Variants in NINJ2 observed in about 807,000 individuals in gnomAD.
NINJ2 encodes the protein ninjurin 2.
A neutral mutation model predicts 11.7 loss-of-function variants in NINJ2; 12 were observed. The observed-to-expected ratio is 1.02, with a 90% CI of 0.66 to 1.66. The LOEUF is 1.66. Among genes scored for constraint, NINJ2 ranks in the 40% most tolerant of loss-of-function variants. The pLI is 0.00. For missense variants in NINJ2, 187 were observed against 181.8 expected (o/e 1.03, Z -0.16); for synonymous variants, 93 against 76.8 (o/e 1.21, Z -1.10).
At chr12:608,160 C>T (rs1445433244) in intron 1 of NINJ2, among the ~76,000 whole-genome samples, 1 of 152,142 alleles carries the variant, frequency 6.6e-6, no homozygotes, top group Non-Finnish European at 1.5e-5. Context: ...GTACTCAACC[C>T]TTAAGAGTCT....
intron 1 of NINJ2, among the ~76,000 whole-genome samples, chr12:661,884 C>T (rs571430247): frequency 2.0e-5 from 3 of 152,284 alleles, no homozygotes; most frequent in East Asian, 1.9e-4. Context: ...AAGCAATGAC[C>T]GTGTACCAAG....
chr12:609,437 T>C (rs1947995155), intron 1 of NINJ2, among the ~76,000 whole-genome samples: 1 of 152,192 alleles, frequency 6.6e-6, no homozygotes, highest in Non-Finnish European at 1.5e-5. Context: ...TTGTAGTCCT[T>C]GTGAGCTGAG....
At position 663,404 on chromosome 12, in the gene NINJ2, C is replaced by G; in HGVS notation, c.-44G>C. 1 of 1,614,160 alleles carries G rather than the reference C, an allele frequency of 6.2e-7. No individual in the cohort carries two copies. The highest frequency in any genetic ancestry group is 8.5e-7 in the Non-Finnish European group (1 of 1,180,000). On this transcript the variant is annotated 5_prime_UTR_variant, in exon 1 of 4. Transcript: ENST00000305108. The stretch of plus-strand genomic sequence containing the variant: ...CTTCACACGCACCGGGTGCCGGGAA[C>G]AGACTGCGTGGGCTCCTCCAGGCTC...
chr12:662,238 G>A (rs1434631545), intron 1 of NINJ2, among the ~76,000 whole-genome samples: 3 of 152,186 alleles, frequency 2.0e-5, no homozygotes, highest in Non-Finnish European at 2.9e-5. Context: ...TCTCGGGGCT[G>A]GCTGCCAATC....
intron 1 of NINJ2, among the ~76,000 whole-genome samples, chr12:625,983 T>C (rs1948206913): frequency 6.6e-6 from 1 of 152,164 alleles, no homozygotes; most frequent in East Asian, 1.9e-4. Flanking sequence ...TCATGATCGG[T>C]GAGGGATTAG....
chr12:630,662 C>A (rs535059863), intron 1 of NINJ2, among the ~76,000 whole-genome samples: 1 of 152,354 alleles, frequency 6.6e-6, no homozygotes, highest in South Asian at 2.1e-4. Context: ...CAGGCGTGAG[C>A]CACCGCTCCC....
chr12:585,274 C>A lies in NINJ2; in HGVS notation c.34-19096G>T, dbSNP rs1402493945. Among the ~76,000 whole-genome samples, 1 of 152,220 alleles carries A rather than the reference C, an allele frequency of 6.6e-6. No homozygotes were observed. Among genetic ancestry groups the A allele is most frequent in the Non-Finnish European group, 1.5e-5 (1 of 68,040 alleles). ...CTGGGGGCTCTGGGCTTCCCTGCTG[C>A]AAGCTCTTAACCCTTAGCGTGAGCA... On this transcript the variant is annotated intron_variant, in intron 1 of 3. Transcript: ENST00000305108. The surrounding 1 kb of genome is among the most constrained non-coding windows in gnomAD (Gnocchi z 4.1).
chr12:627,712 C>T (rs146020671), intron 1 of NINJ2, among the ~76,000 whole-genome samples: 12 of 152,300 alleles, frequency 7.9e-5, no homozygotes, highest in African/African-American at 2.2e-4. Context: ...AGACTTTGGG[C>T]GCAGTGACAG....
intron 1 of NINJ2, among the ~76,000 whole-genome samples, chr12:616,848 C>T (rs1001781312): frequency 6.6e-5 from 10 of 152,164 alleles, no homozygotes; most frequent in African/African-American, 2.2e-4. Context: ...GATCAAAAGA[C>T]GCTAAAAGCT....
intron 1 of NINJ2, among the ~76,000 whole-genome samples, chr12:601,759 G>A (rs983883915): frequency 4.6e-5 from 7 of 152,022 alleles, no homozygotes; most frequent in Non-Finnish European, 7.4e-5. Flanking sequence ...CCAGCTACTC[G>A]GGAGGCTGAG....
intron 1 of NINJ2, among the ~76,000 whole-genome samples, chr12:606,177 T>C (rs982314736): frequency 6.6e-6 from 1 of 152,098 alleles, no homozygotes; most frequent in Non-Finnish European, 1.5e-5. Context: ...CAGCCAATAT[T>C]CTATTTCAAA....
chr12:600,487 C>T (rs977107913), intron 1 of NINJ2, among the ~76,000 whole-genome samples: 49 of 152,074 alleles, frequency 3.2e-4, no homozygotes, highest in African/African-American at 1.0e-3. Flanking sequence ...ACCTGGGAGG[C>T]GGAGGTTGCA....
At chr12:644,019 G>A (rs901109607) in intron 1 of NINJ2, 15 of 154,842 alleles carry the variant, frequency 9.7e-5, no homozygotes, top group South Asian at 2.0e-4. Flanking sequence ...AGCATTAGCG[G>A]AAGTGCCACG....
intron 1 of NINJ2, among the ~76,000 whole-genome samples, chr12:599,150 G>A (rs1947830032): frequency 6.6e-6 from 1 of 152,000 alleles, no homozygotes; most frequent in Non-Finnish European, 1.5e-5. Flanking sequence ...GGGAGGCCGA[G>A]GCGGATGGAT....
chr12:622,342 G>A (rs1948162410), intron 1 of NINJ2, among the ~76,000 whole-genome samples: 1 of 144,454 alleles, frequency 6.9e-6, no homozygotes, highest in Non-Finnish European at 1.5e-5. Context: ...CCCGGGAAGC[G>A]GAGCTTGCTG....
intron 1 of NINJ2, among the ~76,000 whole-genome samples, chr12:601,415 G>A (rs191173294): frequency 0.019 from 2,806 of 151,300 alleles, 99 homozygotes; most frequent in African/African-American, 0.065. Flanking sequence ...AGGCGTGGTG[G>A]CGGGCGCCTG....
intron 1 of NINJ2, among the ~76,000 whole-genome samples, chr12:598,911 G>T (rs1333351041): frequency 4.0e-5 from 6 of 151,744 alleles, no homozygotes; most frequent in Non-Finnish European, 7.4e-5. Context: ...TGTTGGCCAG[G>T]CTGGTCTCGA....
chr12:587,206 C>A (rs1010183147), intron 1 of NINJ2, among the ~76,000 whole-genome samples: 7 of 152,212 alleles, frequency 4.6e-5, no homozygotes, highest in Middle Eastern at 3.4e-3. Context: ...ACTAGGGGAC[C>A]AGGAGGCAAG....
At chr12:584,515 TA>T (rs779542934) in intron 1 of NINJ2, among the ~76,000 whole-genome samples, 1 of 149,144 alleles carries the variant, frequency 6.7e-6, no homozygotes, top group African/African-American at 2.5e-5. Flanking sequence ...TACTAAAAAT[TA>T]AAAAATTAGC....
Sources: gnomAD v4.1 joint callset for allele counts (sites outside exome capture counted in the v4.1 genomes callset) on GRCh38, gnomAD v4.1.1 for gene constraint, Gnocchi (gnomAD v3.1) non-coding constraint, MANE v1.5 for transcripts, NCBI Gene and HGNC (gene_info 2026-07-23, HGNC 2026-07-21) for gene names.